PALS2: variants seen among roughly 807,000 people sequenced by gnomAD.
The protein encoded by PALS2 is protein PALS2.
In PALS2, 27 loss-of-function variants were observed where a neutral mutation model predicts 61.6. That is an observed-to-expected ratio of 0.44 (90% confidence interval 0.32 to 0.60). The LOEUF (loss-of-function observed/expected upper bound fraction) is 0.60, where lower values mean the gene tolerates loss of function less well. Ranked by LOEUF, PALS2 falls within the 20% of genes least tolerant of loss-of-function variation. The pLI, the probability that PALS2 is intolerant of heterozygous loss-of-function variation, is 0.05. For missense variants in PALS2, 554 were observed against 639.4 expected (o/e 0.87, Z 1.44); for synonymous variants, 236 against 218.6 (o/e 1.08, Z -0.70).
chr7:24,634,147 T>G (rs1785133225), intron 2 of PALS2, among the ~76,000 whole-genome samples: 1 of 152,258 alleles, frequency 6.6e-6, no homozygotes, highest in African/African-American at 2.4e-5. Context: ...ATATATCATT[T>G]GCAAATATTT....
intron 1 of PALS2, among the ~76,000 whole-genome samples, chr7:24,613,145 A>C (rs1442764266): frequency 6.6e-6 from 1 of 151,706 alleles, no homozygotes; most frequent in Non-Finnish European, 1.5e-5. Flanking sequence ...GAAAGCTTTC[A>C]GTCTTTTCTG....
chr7:24,579,946 G>A (rs1782776390), intron 1 of PALS2, among the ~76,000 whole-genome samples: 1 of 152,074 alleles, frequency 6.6e-6, no homozygotes, highest in African/African-American at 2.4e-5. Flanking sequence ...ATTTTTAAAA[G>A]ATAGAATAGG....
At chr7:24,653,784 C>A (rs1231441576) in intron 5 of PALS2, among the ~76,000 whole-genome samples, 2 of 152,186 alleles carry the variant, frequency 1.3e-5, no homozygotes, top group African/African-American at 4.8e-5. Flanking sequence ...TCTTCATTAA[C>A]AATCCCAGTG....
rs1037066185 is a variant in PALS2, at chr7:24,596,653, C to T, written c.-3+23060C>T. Among the ~76,000 whole-genome samples the T allele has an allele frequency of 6.6e-6, 1 of 152,120 alleles. No individual in the cohort carries two copies. The highest frequency in any genetic ancestry group is 2.4e-5 in the African/African-American group (1 of 41,426). ...TAAAAATTTACTCAAAGCAGGACTA[C>T]TACATTGTGAGAGTAAATTGGCAAC... On this transcript the variant is annotated intron_variant, in intron 1 of 11. Coordinates refer to ENST00000222644, the MANE Select transcript of PALS2 (RefSeq NM_001303037.2). This position sits in a 1 kb window ranked among gnomAD's most constrained non-coding sequence, Gnocchi z 4.5.
intron 11 of PALS2, among the ~76,000 whole-genome samples, chr7:24,680,865 G>C (rs1372565535): frequency 6.6e-6 from 1 of 152,170 alleles, no homozygotes; most frequent in Non-Finnish European, 1.5e-5. Flanking sequence ...CAAAGTGCTA[G>C]AACTACAGGC....
chr7:24,635,336 T>C (rs944216664), intron 2 of PALS2, among the ~76,000 whole-genome samples: 3 of 152,228 alleles, frequency 2.0e-5, no homozygotes, highest in Non-Finnish European at 2.9e-5. Context: ...GTTTTTTAAA[T>C]TTCATTTTCA....
chr7:24,639,401 T>C (rs1320084380), intron 2 of PALS2, among the ~76,000 whole-genome samples: 2 of 112,720 alleles, frequency 1.8e-5, no homozygotes, highest in Admixed American at 8.0e-5. Flanking sequence ...CTACCTTTGC[T>C]GAATACACAC....
intron 9 of PALS2, among the ~76,000 whole-genome samples, chr7:24,671,688 A>G (rs141013133): frequency 2.0e-5 from 3 of 152,214 alleles, no homozygotes; most frequent in East Asian, 1.9e-4. Context: ...TGCAGATTAT[A>G]TGATCAATTT....
At chr7:24,674,088 A>T (rs112320789) in intron 9 of PALS2, among the ~76,000 whole-genome samples, 44 of 152,252 alleles carry the variant, frequency 2.9e-4, no homozygotes, top group African/African-American at 1.0e-3. Context: ...ATATGCAACT[A>T]TGCAACACAG....
chr7:24,594,715 C>T (rs193138910), intron 1 of PALS2, among the ~76,000 whole-genome samples: 2 of 152,146 alleles, frequency 1.3e-5, no homozygotes, highest in Admixed American at 1.3e-4. Flanking sequence ...ACAGTAGTAA[C>T]ATCAAAGAGC....
At chr7:24,633,725 T>C (rs1785111921) in intron 2 of PALS2, among the ~76,000 whole-genome samples, 1 of 152,126 alleles carries the variant, frequency 6.6e-6, no homozygotes, top group Non-Finnish European at 1.5e-5. Flanking sequence ...TTGGACACAC[T>C]TTTATGTAGA....
At position 24,693,111 on chromosome 7, in the gene PALS2, C is replaced by T. The variant is rs530427206; in HGVS notation, c.*5497C>T. 2.2e-4 allele frequency: 33 copies of T among 152,190 alleles called. No individual in the cohort carries two copies. Among genetic ancestry groups the T allele is most frequent in the African/African-American group, 7.9e-4 (33 of 41,526 alleles). 9.4% of individuals were successfully genotyped at this position (152,190 alleles called of 1,614,324 possible). ...CTACTGGCTCTTACTGTTTTCTAAT[C>T]TCCAGTGTAAATGGAATGAACACAT... is the stretch of plus-strand genomic sequence containing the variant. On this transcript the variant is annotated 3_prime_UTR_variant, in exon 12 of 12. Coordinates refer to ENST00000222644, the MANE Select transcript of PALS2 (RefSeq NM_001303037.2).
intron 1 of PALS2, among the ~76,000 whole-genome samples, chr7:24,603,479 G>A (rs1278361063): frequency 6.6e-6 from 1 of 152,212 alleles, no homozygotes; most frequent in Non-Finnish European, 1.5e-5. Context: ...GGGTTAAGAT[G>A]AGCTCTCCAC....
Position 24,690,427 on chromosome 7 carries a change from C to T in PALS2, c.*2813C>T, listed in dbSNP as rs1473214932. The T allele has an allele frequency of 1.3e-5, 2 of 152,164 alleles. No homozygotes were observed. Among genetic ancestry groups the T allele is most frequent in the African/African-American group, 2.4e-5 (1 of 41,436 alleles). The allele number at this position is 152,164 out of a possible 1,614,324, so 9.4% of individuals were successfully genotyped here. On this transcript the variant is annotated 3_prime_UTR_variant, in exon 12 of 12. Transcript: ENST00000222644. ...CAATTGTTAAGAGTTGAAATAGACA[C>T]ACACATGCATGTGCTTTTGGGAAAC... is the stretch of plus-strand genomic sequence containing the variant.
At chr7:24,662,822 C>T (rs116782468) in intron 5 of PALS2, among the ~76,000 whole-genome samples, 6,154 of 138,582 alleles carry the variant, frequency 0.044, 343 homozygotes, top group African/African-American at 0.077. Context: ...AGCAATTGGT[C>T]TGAACCTTCC....
intron 3 of PALS2, among the ~76,000 whole-genome samples, chr7:24,644,562 A>T (rs929290541): frequency 2.6e-5 from 4 of 151,754 alleles, no homozygotes; most frequent in African/African-American, 9.7e-5. Context: ...ACAGGCATTT[A>T]GGTTGATTTG....
intron 9 of PALS2, among the ~76,000 whole-genome samples, chr7:24,671,100 A>G (rs371895765): frequency 1.3e-5 from 2 of 152,178 alleles, no homozygotes; most frequent in Non-Finnish European, 2.9e-5. Context: ...AAGAACTTCC[A>G]CACTGTTTTC....
chr7:24,680,626 T>A, intron 11 of PALS2, 106 bp downstream of exon 11: 1 of 1,365,228 alleles, frequency 7.3e-7, no homozygotes, highest in Non-Finnish European at 9.7e-7. Flanking sequence ...GGCAGAGTTT[T>A]GCTTTGTCAC....
chr7:24,618,868 GTTTA>G lies in PALS2; in HGVS notation c.-2-4791_-2-4788del, dbSNP rs956741805. Among the ~76,000 whole-genome samples the G allele has an allele frequency of 6.6e-6, 1 of 152,220 alleles. No homozygotes were observed. The highest frequency in any genetic ancestry group is 1.5e-5 in the Non-Finnish European group (1 of 68,034). Reference sequence around the variant, plus strand: ...TCAACACTCCAGTCAAATCTTAGCTGTTTATTTATTGCCGTGGTCCTTTCTTGAA... The same window carrying G: ...TCAACACTCCAGTCAAATCTTAGCTGTTTATTGCCGTGGTCCTTTCTTGAA... On this transcript the variant is annotated intron_variant, in intron 1 of 11. Transcript: ENST00000222644. This position sits in a 1 kb window ranked among gnomAD's most constrained non-coding sequence, Gnocchi z 5.1.
Sources: gnomAD v4.1 joint callset for allele counts (sites outside exome capture counted in the v4.1 genomes callset) on GRCh38, gnomAD v4.1.1 for gene constraint, Gnocchi (gnomAD v3.1) non-coding constraint, MANE v1.5 for transcripts, NCBI Gene and HGNC (gene_info 2026-07-23, HGNC 2026-07-21) for gene names.